PDE6D: variants seen among roughly 807,000 people sequenced by gnomAD.
PDE6D encodes retinal rod rhodopsin-sensitive cGMP 3',5'-cyclic phosphodiesterase subunit delta.
Under a neutral mutation model 21.9 loss-of-function variants are expected in PDE6D, and 10 were observed. The ratio of observed to expected loss-of-function variants is 0.46; its 90% CI spans 0.28 to 0.78. PDE6D has a LOEUF of 0.78. Ranked by LOEUF, PDE6D falls within the 30% of genes least tolerant of loss-of-function variation. The pLI, the probability that PDE6D is intolerant of heterozygous loss-of-function variation, is 0.12. For synonymous variants in PDE6D, 59 were observed against 63.5 expected (o/e 0.93, Z 0.34); for missense variants, 139 against 184.8 (o/e 0.75, Z 1.44).
intron 1 of PDE6D, among the ~76,000 whole-genome samples, chr2:231,747,647 T>A (rs941538324): frequency 3.9e-5 from 6 of 152,214 alleles, no homozygotes; most frequent in Admixed American, 3.9e-4. Flanking sequence ...TGTCAATCCC[T>A]GGCTTTCCTC....
chr2:231,759,681 C>T (rs2048910850), intron 1 of PDE6D, among the ~76,000 whole-genome samples: 1 of 152,166 alleles, frequency 6.6e-6, no homozygotes, highest in African/African-American at 2.4e-5. Context: ...TAATAACCAT[C>T]TTCCATCAAC....
chr2:231,771,777 G>A (rs1448645140), intron 1 of PDE6D, among the ~76,000 whole-genome samples: 4 of 152,126 alleles, frequency 2.6e-5, no homozygotes, highest in Non-Finnish European at 4.4e-5. Context: ...ACTTTTTGCC[G>A]ATTTTAGGTG....
chr2:231,739,027 C>T lies in PDE6D; in HGVS notation c.139+73G>A, dbSNP rs952925492. The T allele has an allele frequency of 1.2e-5, 10 of 824,260 alleles. No individual in the cohort carries two copies. Among genetic ancestry groups the T allele is most frequent in the Non-Finnish European group, 1.4e-5 (7 of 499,490 alleles). The allele number at this position is 824,260 out of a possible 1,614,324, so 51.1% of individuals were successfully genotyped here. ...CACCCGCCTATTAGGTATGTGTTAA[C>T]TTAGCTCTCTTATGCTCAGGTGCTA... is the stretch of plus-strand genomic sequence containing the variant. On this transcript the variant is annotated intron_variant, in intron 2 of 4. Transcript: ENST00000287600. This position sits in a 1 kb window ranked among gnomAD's most constrained non-coding sequence, Gnocchi z 4.2.
intron 1 of PDE6D, among the ~76,000 whole-genome samples, chr2:231,761,222 T>C (rs1398244171): frequency 6.6e-6 from 1 of 152,204 alleles, no homozygotes; most frequent in East Asian, 1.9e-4. Context: ...TCGCCCAGGT[T>C]GGACTGCAGT....
intron 1 of PDE6D, among the ~76,000 whole-genome samples, chr2:231,745,272 T>C (rs563922494): frequency 2.6e-5 from 4 of 151,664 alleles, no homozygotes; most frequent in Admixed American, 2.6e-4. Flanking sequence ...ATGCTAGAAA[T>C]GAAAGACAAG....
intron 1 of PDE6D, among the ~76,000 whole-genome samples, chr2:231,740,874 C>T (rs1559310932): frequency 6.6e-6 from 1 of 151,608 alleles, no homozygotes; most frequent in Non-Finnish European, 1.5e-5. Flanking sequence ...GGAGCGATGG[C>T]TCACCTGTAA....
chr2:231,767,161 C>CT (rs1229350439), intron 1 of PDE6D, among the ~76,000 whole-genome samples: 1 of 152,066 alleles, frequency 6.6e-6, no homozygotes, highest in East Asian at 1.9e-4. Flanking sequence ...CACTAAGGCT[C>CT]TGACTTTTCT....
intron 1 of PDE6D, among the ~76,000 whole-genome samples, chr2:231,744,434 C>CTTTTTTTT: frequency 7.3e-6 from 1 of 136,216 alleles, no homozygotes; most frequent in African/African-American, 2.7e-5. Context: ...AATTGCTTTT[C>CTTTTTTTT]TTTTTTTTTT....
At chr2:231,753,361 A>C (rs1024946039) in intron 1 of PDE6D, among the ~76,000 whole-genome samples, 2 of 150,380 alleles carry the variant, frequency 1.3e-5, no homozygotes, top group Admixed American at 1.3e-4. Context: ...GTCTGTACTA[A>C]AAAATACAAA....
At chr2:231,745,791 T>G (rs1559314760) in intron 1 of PDE6D, among the ~76,000 whole-genome samples, 2 of 152,190 alleles carry the variant, frequency 1.3e-5, no homozygotes, top group African/African-American at 4.8e-5. Context: ...GCAAATCCTC[T>G]TGTGTCTTAC....
intron 1 of PDE6D, among the ~76,000 whole-genome samples, chr2:231,757,280 A>G (rs973163727): frequency 6.6e-6 from 1 of 151,542 alleles, no homozygotes; most frequent in Non-Finnish European, 1.5e-5. Context: ...CCAAACACTA[A>G]AAGTTTCAAG....
chr2:231,737,465 T>C (rs1574616578), intron 3 of PDE6D, 173 bp from the exon 4 acceptor site: 1 of 541,928 alleles, frequency 1.8e-6, no homozygotes, highest in Non-Finnish European at 3.3e-6. Context: ...GCTCAGGTTG[T>C]CCTCTGAACC....
In PDE6D at chr2:231,781,105, T is replaced by C; in HGVS notation, c.10A>G (p.Lys4Glu). The change falls in exon 1 of 5, where the codon AAG becomes GAG. Residue 4 changes from lysine (K) to glutamate (E), a missense_variant. Coordinates refer to ENST00000287600, the MANE Select transcript of PDE6D (RefSeq NM_002601.4). ...AGGATCTCCCTGGCCCGCTCGTCCT[T>C]GGCTGACATGATGCGGCGGTCGCCG... The part of the protein sequence containing the change: MSA[K>E]DERAREILRG... The C allele has an allele frequency of 6.2e-7, 1 of 1,613,460 alleles. No individual in the cohort carries two copies. Among genetic ancestry groups the C allele is most frequent in the Non-Finnish European group, 8.5e-7 (1 of 1,179,768 alleles).
chr2:231,759,617 G>A (rs1049296666), intron 1 of PDE6D, among the ~76,000 whole-genome samples: 1 of 152,156 alleles, frequency 6.6e-6, no homozygotes, highest in Non-Finnish European at 1.5e-5. Flanking sequence ...CTATTTCTCT[G>A]CCAAAAACAT....
intron 1 of PDE6D, among the ~76,000 whole-genome samples, chr2:231,776,258 T>TTGCAGTGAG (rs1268125284): frequency 6.7e-6 from 1 of 149,748 alleles, no homozygotes; most frequent in East Asian, 2.0e-4. Context: ...GAGGTAGAGG[T>TTGCAGTGAG]TGCAGTGAGT....
chr2:231,733,431 C>G (rs2048668194), intron 4 of PDE6D, among the ~76,000 whole-genome samples: 1 of 152,172 alleles, frequency 6.6e-6, no homozygotes, highest in Non-Finnish European at 1.5e-5. Context: ...CCCTACAGTA[C>G]TCACAATAGT....
At position 231,732,707 on chromosome 2, in the gene PDE6D, G is replaced by A. The variant is rs1284044606; in HGVS notation, c.*245C>T. ...TGTGTGTATGCTGGGAAGGACTTGA[G>A]ACCTGTCCCCTGCCCTGGTCTGGGG... On this transcript the variant is annotated 3_prime_UTR_variant, in exon 5 of 5. Transcript: ENST00000287600. 2.3e-6 allele frequency: 1 copy of A among 428,690 alleles called. No individual in the cohort carries two copies. The highest frequency in any genetic ancestry group is 4.2e-5 in the East Asian group (1 of 23,942). The allele number at this position is 428,690 out of a possible 1,614,324, so 26.6% of individuals were successfully genotyped here. A position where few individuals can be genotyped will look rare whatever the true frequency, so the allele number is the denominator to read the frequency against.
intron 1 of PDE6D, among the ~76,000 whole-genome samples, chr2:231,746,654 C>G (rs1046566516): frequency 6.6e-6 from 1 of 152,020 alleles, no homozygotes; most frequent in Non-Finnish European, 1.5e-5. Context: ...ACTACATGCC[C>G]GTACCTCACC....
intron 4 of PDE6D, among the ~76,000 whole-genome samples, chr2:231,736,107 G>A (rs1019604109): frequency 2.6e-5 from 4 of 151,720 alleles, no homozygotes; most frequent in African/African-American, 9.7e-5. Context: ...AGGAGGCTGA[G>A]CTAGGAAGAT....
Sources: allele counts gnomAD v4.1 joint callset (sites outside exome capture counted in the v4.1 genomes callset), GRCh38; gene constraint gnomAD v4.1.1; non-coding constraint Gnocchi (gnomAD v3.1); transcripts MANE v1.5; gene names NCBI Gene and HGNC (gene_info 2026-07-23, HGNC 2026-07-21).